The following CHRNA7 variants were observed in gnomAD, a reference collection of about 807,000 sequenced individuals.
The protein encoded by CHRNA7 is cholinergic receptor nicotinic alpha 7 subunit.
CHRNA7 carries 17 observed loss-of-function variants against 48.0 expected under a neutral mutation model. The observed-to-expected ratio is 0.35, with a 90% CI of 0.24 to 0.53. The LOEUF is 0.53. Ranked by LOEUF, CHRNA7 falls within the 20% of genes least tolerant of loss-of-function variation. The pLI is 0.92. For synonymous variants in CHRNA7, 75 were observed against 242.3 expected (o/e 0.31, Z 6.41); for missense variants, 155 against 577.7 (o/e 0.27, Z 7.50).
Position 32,111,821 on chromosome 15 carries a change from T to C in CHRNA7, c.272T>C (p.Val91Ala), listed in dbSNP as rs953560059. 8 of 1,613,522 alleles carry C rather than the reference T, an allele frequency of 5.0e-6. No homozygotes were observed. Among genetic ancestry groups the C allele is most frequent in the Non-Finnish European group, 5.9e-6 (7 of 1,179,518 alleles). The change falls in exon 4 of 10, where the codon GTG (valine) becomes GCG (alanine). Residue 91 changes from valine (V) to alanine (A), a missense_variant. Transcript: ENST00000306901. The stretch of plus-strand genomic sequence containing the variant: ...ACAGATCACTATTTACAGTGGAATG[T>C]GTCAGAATATCCAGGGGTGAAGACT... ...SWTDHYLQWN[V>A]SEYPGVKTVR...
intron 4 of CHRNA7, among the ~76,000 whole-genome samples, chr15:32,114,023 T>TATATATATATACATAC (rs1387064002): frequency 2.6e-3 from 133 of 50,958 alleles, no homozygotes; most frequent in African/African-American, 7.8e-3. Flanking sequence ...TCTCCAAATA[T>TATATATATATACATAC]ATATATATAT....
At chr15:32,123,452 G>GT (rs2051009076) in intron 4 of CHRNA7, among the ~76,000 whole-genome samples, 3 of 152,190 alleles carry the variant, frequency 2.0e-5, no homozygotes, top group East Asian at 1.9e-4. Context: ...GAGAAACAGT[G>GT]TAAGTATGAG....
chr15:32,097,380 G>T (rs1454523147), intron 2 of CHRNA7, among the ~76,000 whole-genome samples: 1 of 152,088 alleles, frequency 6.6e-6, no homozygotes, highest in Non-Finnish European at 1.5e-5. Context: ...GTATTAGGAG[G>T]TGATTAGTCC....
intron 4 of CHRNA7, among the ~76,000 whole-genome samples, chr15:32,116,565 A>C (rs1445524735): frequency 6.6e-6 from 1 of 152,162 alleles, no homozygotes; most frequent in East Asian, 1.9e-4. Context: ...TCTTGCCTAA[A>C]GTGGGTAGCA....
intron 3 of CHRNA7, among the ~76,000 whole-genome samples, chr15:32,108,943 G>A (rs1454718543): frequency 6.6e-6 from 1 of 152,110 alleles, no homozygotes; most frequent in African/African-American, 2.4e-5. Context: ...GCAAACCCAG[G>A]TCTGTCTGAT....
At chr15:32,096,097 G>T (rs149776619) in intron 2 of CHRNA7, among the ~76,000 whole-genome samples, 1 of 152,262 alleles carries the variant, frequency 6.6e-6, no homozygotes, top group Non-Finnish European at 1.5e-5. Flanking sequence ...TAAATTTGGG[G>T]GGTCTCCCAT....
intron 2 of CHRNA7, among the ~76,000 whole-genome samples, chr15:32,096,519 T>C (rs1329690772): frequency 6.6e-6 from 1 of 152,164 alleles, no homozygotes; most frequent in Non-Finnish European, 1.5e-5. Context: ...AACTTTAGAC[T>C]GCTACACAAA....
At chr15:32,038,417 G>C (rs1231377793) in intron 2 of CHRNA7, among the ~76,000 whole-genome samples, 1 of 151,952 alleles carries the variant, frequency 6.6e-6, no homozygotes, top group Non-Finnish European at 1.5e-5. Flanking sequence ...TTTGTAGCCT[G>C]TTGATGTAAT....
chr15:32,117,178 A>C (rs1017956380), intron 4 of CHRNA7, among the ~76,000 whole-genome samples: 3 of 152,184 alleles, frequency 2.0e-5, no homozygotes, highest in African/African-American at 7.2e-5. Context: ...GAGCATTGAA[A>C]AGCAAATCAT....
Position 32,130,072 on chromosome 15 carries a change from G to A in CHRNA7, c.350+18173G>A, listed in dbSNP as rs192029857. 1.2e-4 allele frequency among the ~76,000 whole-genome samples: 19 copies of A among 152,110 alleles called. No individual in the cohort carries two copies. The East Asian group carries it at 3.3e-3, about 26-fold the overall frequency. ...ATTGTGGGCAAATATCACACTTTGT[G>A]TGGTTTCACTTCTTTTAAATGTATT... On this transcript the variant is annotated intron_variant, in intron 4 of 9. Transcript: ENST00000306901.
chr15:32,149,043 A>T lies in CHRNA7; in HGVS notation c.351-4864A>T, dbSNP rs7182878. Among the ~76,000 whole-genome samples, 99,322 of 152,082 alleles carry T rather than the reference A, an allele frequency of 0.65. 32,936 individuals are homozygous for T. Among genetic ancestry groups the T allele is most frequent in the Middle Eastern group, 0.8 (234 of 294 alleles). On this transcript the variant is annotated intron_variant, in intron 4 of 9. Coordinates refer to ENST00000306901, the MANE Select transcript of CHRNA7 (RefSeq NM_000746.6). The surrounding 1 kb of genome is among the most constrained non-coding windows in gnomAD (Gnocchi z 4.6). Reference sequence around the variant, plus strand: ...GGGTAGGGCTCAGAGCTCTCCTCACACCAAGAGTGGGCCCCAGTCATTGCT... The same window carrying T: ...GGGTAGGGCTCAGAGCTCTCCTCACTCCAAGAGTGGGCCCCAGTCATTGCT...
intron 2 of CHRNA7, among the ~76,000 whole-genome samples, chr15:32,040,840 C>T (rs1342586642): frequency 1.3e-5 from 2 of 151,762 alleles, no homozygotes; most frequent in East Asian, 3.9e-4. Flanking sequence ...CTTCTTTTAA[C>T]ATTTTTTCAA....
intron 2 of CHRNA7, among the ~76,000 whole-genome samples, chr15:32,080,835 C>T (rs2050204306): frequency 6.6e-6 from 1 of 152,286 alleles, no homozygotes; most frequent in African/African-American, 2.4e-5. Flanking sequence ...TACAAAGATA[C>T]ATGCATGTGT....
chr15:32,063,112 C>T (rs2049906302), intron 2 of CHRNA7, among the ~76,000 whole-genome samples: 1 of 152,100 alleles, frequency 6.6e-6, no homozygotes, highest in Non-Finnish European at 1.5e-5. Flanking sequence ...GTGAGTGCAG[C>T]TTGCAGGACT....
intron 2 of CHRNA7, among the ~76,000 whole-genome samples, chr15:32,035,527 C>G (rs1179671279): frequency 6.6e-6 from 1 of 152,176 alleles, no homozygotes; most frequent in African/African-American, 2.4e-5. Flanking sequence ...TGGTCATGCA[C>G]TTACGTTTTG....
chr15:32,073,084 G>A (rs2141221262), intron 2 of CHRNA7, among the ~76,000 whole-genome samples: 2 of 152,314 alleles, frequency 1.3e-5, no homozygotes, highest in South Asian at 4.1e-4. Flanking sequence ...CAGCAAAGCT[G>A]CAGGCAGTCA....
chr15:32,134,077 G>T (rs913526010), intron 4 of CHRNA7, among the ~76,000 whole-genome samples: 2 of 151,932 alleles, frequency 1.3e-5, no homozygotes, highest in Non-Finnish European at 2.9e-5. Context: ...GGCAGCCAAG[G>T]GCTCTGCCCC....
chr15:32,038,544 T>C (rs1339803955), intron 2 of CHRNA7, among the ~76,000 whole-genome samples: 1 of 152,206 alleles, frequency 6.6e-6, no homozygotes, highest in Non-Finnish European at 1.5e-5. Context: ...AATTTTTAAA[T>C]TTTTGGTTGA....
rs1269503231 is a variant in CHRNA7, at chr15:32,149,402, C to T, written c.351-4505C>T. ...GCGCCGGTGCTGTGGCCACTGAGGT[C>T]CTCATAGGGGTTCTGGCCACTCACA... On this transcript the variant is annotated intron_variant, in intron 4 of 9. Transcript: ENST00000306901. This position sits in a 1 kb window ranked among gnomAD's most constrained non-coding sequence, Gnocchi z 4.6. 6.6e-6 allele frequency among the ~76,000 whole-genome samples: 1 copy of T among 152,098 alleles called. No individual in the cohort carries two copies. The highest frequency in any genetic ancestry group is 6.5e-5 in the Admixed American group (1 of 15,284).
Sources: allele counts gnomAD v4.1 joint callset (sites outside exome capture counted in the v4.1 genomes callset), GRCh38; gene constraint gnomAD v4.1.1; non-coding constraint Gnocchi (gnomAD v3.1); transcripts MANE v1.5; gene names NCBI Gene and HGNC (gene_info 2026-07-23, HGNC 2026-07-21).